Variants in DIAPH2 observed in about 807,000 individuals in gnomAD.
DIAPH2 encodes diaphanous related formin 2, also known as protein diaphanous homolog 2.
Under a neutral mutation model 92.7 loss-of-function variants are expected in DIAPH2, and 35 were observed. The observed-to-expected ratio is 0.38, with a 90% CI of 0.29 to 0.50. The LOEUF is 0.50. Among genes scored for constraint, DIAPH2 ranks in the 20% least tolerant of loss-of-function variants. The probability of loss-of-function intolerance (pLI) is 0.94; values close to 1 mark genes in which losing one functional copy is unlikely to be tolerated. For synonymous variants in DIAPH2, 301 were observed against 280.4 expected, an observed-to-expected ratio of 1.07 and a Z score of -0.73; for missense variants, 701 against 819.5, an observed-to-expected ratio of 0.86 and a Z score of 1.77.
At chrX:97,566,895 G>A (rs934452686) in intron 26 of DIAPH2, among the ~76,000 whole-genome samples, 12 of 111,512 alleles carry the variant, frequency 1.1e-4, no homozygotes, top group African/African-American at 1.6e-4. Context: ...GTATATAAAC[G>A]CTGATTATAT....
At chrX:96,898,607 A>C (rs1394908052) in intron 5 of DIAPH2, among the ~76,000 whole-genome samples, 8 of 106,942 alleles carry the variant, frequency 7.5e-5, no homozygotes, top group East Asian at 5.9e-4. Context: ...GTTTGAGTTC[A>C]TTGTAGATTC....
intron 22 of DIAPH2, among the ~76,000 whole-genome samples, chrX:97,201,662 CAT>C (rs1460611547): frequency 4.6e-5 from 5 of 109,811 alleles, no homozygotes; most frequent in African/African-American, 1.7e-4. Context: ...AGAAATGTGG[CAT>C]TATGTGAAAA....
intron 21 of DIAPH2, among the ~76,000 whole-genome samples, chrX:97,116,814 T>C (rs976016413): frequency 1.8e-5 from 2 of 111,999 alleles, no homozygotes; most frequent in African/African-American, 6.5e-5. Context: ...GAAGCAAGAA[T>C]GAATAAGTCA....
At chrX:96,893,946 G>C (rs1461770213) in intron 5 of DIAPH2, among the ~76,000 whole-genome samples, 2 of 112,361 alleles carry the variant, frequency 1.8e-5, no homozygotes, top group East Asian at 5.6e-4. Flanking sequence ...CACCTGGTCA[G>C]CAAAGCTGTA....
At position 96,705,795 on chromosome X, in the gene DIAPH2, C is replaced by A. The variant is rs180970491; in HGVS notation, c.132+20605C>A. ...AGCATTAGAATCACTTGCCTCAAGGCCACTGGGAAAGCTTGCAAAAAATAT... is the reference window on the plus strand; with the variant it reads ...AGCATTAGAATCACTTGCCTCAAGGACACTGGGAAAGCTTGCAAAAAATAT... On this transcript the variant is annotated intron_variant, in intron 1 of 26. Coordinates refer to ENST00000324765, the MANE Select transcript of DIAPH2 (RefSeq NM_006729.5). 6.6e-3 allele frequency among the ~76,000 whole-genome samples: 742 copies of A among 111,927 alleles called. 2 individuals carry two copies. Among genetic ancestry groups the A allele is most frequent in the Non-Finnish European group, 0.011 (580 of 53,229 alleles).
intron 1 of DIAPH2, among the ~76,000 whole-genome samples, chrX:96,695,630 G>T (rs2063821443): frequency 8.9e-6 from 1 of 111,818 alleles, no homozygotes; most frequent in South Asian, 3.8e-4. Context: ...CTTCCTATGG[G>T]TTCTGTTATA....
At chrX:97,043,357 A>G (rs897709438) in intron 17 of DIAPH2, among the ~76,000 whole-genome samples, 1 of 111,092 alleles carries the variant, frequency 9.0e-6, no homozygotes, top group Non-Finnish European at 1.9e-5. Context: ...AATGGAGCTG[A>G]GAATTGAAAG....
intron 26 of DIAPH2, among the ~76,000 whole-genome samples, chrX:97,593,291 C>T (rs181858333): frequency 1.2e-4 from 13 of 110,295 alleles, no homozygotes; most frequent in African/African-American, 1.6e-4. Context: ...AACAGAAACC[C>T]GAGTATAGCA....
Position 96,958,006 on chromosome X carries a change from T to A in DIAPH2, c.1793T>A (p.Leu598His). 8.3e-7 allele frequency: 1 copy of A among 1,210,599 alleles called. No individual in the cohort carries two copies. Among genetic ancestry groups the A allele is most frequent in the Non-Finnish European group, 1.1e-6 (1 of 894,992 alleles). The change falls in exon 16 of 27, where the codon CTT (leucine) becomes CAT (histidine). Residue 598 changes from leucine (L) to histidine (H), a missense_variant. This residue lies in a region of DIAPH2 where 536 missense variants were observed against 599.3 expected (regional missense o/e 0.89). Coordinates refer to ENST00000324765, the MANE Select transcript of DIAPH2 (RefSeq NM_006729.5). ...MGIPPPPPPP[L>H]LFGGPPPPPP... Reference sequence around the variant, plus strand: ...ATACCACCACCACCCCCACCACCACTTTTATTTGGGGGACCTCCTCCACCA... The same window carrying A: ...ATACCACCACCACCCCCACCACCACATTTATTTGGGGGACCTCCTCCACCA...
At chrX:96,694,544 T>C (rs1459652127) in intron 1 of DIAPH2, among the ~76,000 whole-genome samples, 1 of 111,371 alleles carries the variant, frequency 9.0e-6, no homozygotes, top group Non-Finnish European at 1.9e-5. Flanking sequence ...TTTCCCAATG[T>C]TTCCCAGGCT....
intron 26 of DIAPH2, among the ~76,000 whole-genome samples, chrX:97,544,925 A>G (rs1443888462): frequency 1.8e-5 from 2 of 111,529 alleles, no homozygotes; most frequent in South Asian, 3.8e-4. Context: ...TTACAGACCT[A>G]CTATGTACAC....
intron 23 of DIAPH2, among the ~76,000 whole-genome samples, chrX:97,285,383 CAAAAAA>C (rs11336007): frequency 2.4e-4 from 9 of 38,121 alleles, no homozygotes; most frequent in Admixed American, 4.5e-4. Context: ...ACTAAAAATA[CAAAAAA>C]AAAAAAAAAA....
At chrX:96,903,523 G>A (rs2065413102) in intron 5 of DIAPH2, among the ~76,000 whole-genome samples, 1 of 111,806 alleles carries the variant, frequency 8.9e-6, no homozygotes, top group Admixed American at 9.5e-5. Context: ...TTACTAAGAA[G>A]GCATCTTTAA....
chrX:96,996,038 C>G lies in DIAPH2; in HGVS notation c.2050+30831C>G, dbSNP rs927723291. Among the ~76,000 whole-genome samples the G allele has an allele frequency of 2.7e-5, 3 of 111,120 alleles. No homozygotes were observed. The Admixed American group carries it at 2.9e-4, about 11-fold the overall frequency. ...ATGAAGTGCCACATTACATTATATGCTTATTTATCTCTACTCTTCACCTAG... is the reference window on the plus strand; with the variant it reads ...ATGAAGTGCCACATTACATTATATGGTTATTTATCTCTACTCTTCACCTAG... On this transcript the variant is annotated intron_variant, in intron 17 of 26. Coordinates refer to ENST00000324765, the MANE Select transcript of DIAPH2 (RefSeq NM_006729.5).
intron 17 of DIAPH2, among the ~76,000 whole-genome samples, chrX:96,995,670 C>G (rs2066100079): frequency 9.0e-6 from 1 of 110,940 alleles, no homozygotes; most frequent in Non-Finnish European, 1.9e-5. Context: ...TAGTTTAGCC[C>G]TCTCTAAAGA....
rs577364466 is a variant in DIAPH2 at position 97,339,864 on chromosome X, C to A, written c.2845-8252C>A. On this transcript the variant is annotated intron_variant, in intron 23 of 26. Coordinates refer to ENST00000324765, the MANE Select transcript of DIAPH2 (RefSeq NM_006729.5). ...ATTTCTTATTTTCCTCTCATACTTG[C>A]CAAGTTTATATGTATTAGATATGTC... is the stretch of plus-strand genomic sequence containing the variant. 3.6e-5 allele frequency among the ~76,000 whole-genome samples: 4 copies of A among 111,719 alleles called. No individual in the cohort carries two copies. In the South Asian group the frequency reaches 1.1e-3, roughly 31 times the overall value.
chrX:96,925,340 C>T (rs2065573815), intron 9 of DIAPH2, among the ~76,000 whole-genome samples: 1 of 110,948 alleles, frequency 9.0e-6, no homozygotes, highest in Admixed American at 9.7e-5. Flanking sequence ...TTAGTATTAC[C>T]TACCAATTAG....
Position 97,159,236 on chromosome X carries a change from C to G in DIAPH2, c.2719+17442C>G, listed in dbSNP as rs767633228. 1.1e-3 allele frequency among the ~76,000 whole-genome samples: 125 copies of G among 111,895 alleles called. 1 individual carries two copies. The highest frequency in any genetic ancestry group is 4.0e-3 in the African/African-American group (125 of 30,880). ...CCCTGGGCTAAAGGTTGGCAAATGC[C>G]TTTTCAACCTGTGGTGGTAATGATG... On this transcript the variant is annotated intron_variant, in intron 22 of 26. Transcript: ENST00000324765.
chrX:96,747,051 T>A (rs969307143), intron 3 of DIAPH2, among the ~76,000 whole-genome samples: 5 of 112,068 alleles, frequency 4.5e-5, no homozygotes, highest in Non-Finnish European at 7.5e-5. Flanking sequence ...TGAGAATAAC[T>A]GATCTGGTTT....
Sources: gnomAD v4.1 joint callset for allele counts (sites outside exome capture counted in the v4.1 genomes callset) on GRCh38, gnomAD v4.1.1 for gene constraint, gnomAD v4.1.1 regional missense constraint, MANE v1.5 for transcripts, NCBI Gene and HGNC (gene_info 2026-07-23, HGNC 2026-07-21) for gene names.